TAMM41: variants seen among roughly 807,000 people sequenced by gnomAD.
TAMM41 encodes the protein TAM41 mitochondrial translocator assembly and maintenance homolog, also known as phosphatidate cytidylyltransferase, mitochondrial.
In TAMM41, 36 loss-of-function variants were observed where a neutral mutation model predicts 44.1. The ratio of observed to expected loss-of-function variants is 0.82; its 90% CI spans 0.63 to 1.08. The LOEUF (loss-of-function observed/expected upper bound fraction) is 1.08, where lower values mean the gene tolerates loss of function less well. Among genes scored for constraint, TAMM41 ranks in the 50% least tolerant of loss-of-function variants. The probability of loss-of-function intolerance (pLI) is 0.00; values close to 1 mark genes in which losing one functional copy is unlikely to be tolerated. For synonymous variants in TAMM41, 164 were observed against 153.1 expected (o/e 1.07, Z -0.53); for missense variants, 417 against 404.3 (o/e 1.03, Z -0.27).
chr3:11,743,335 CTTTT>C, the TAMM41 span, among the ~76,000 whole-genome samples: 2 of 141,006 alleles, frequency 1.4e-5, no homozygotes, highest in African/African-American at 2.6e-5. Flanking sequence ...CTAATAATCT[CTTTT>C]TTTTTTTTTT....
At chr3:11,837,208 T>C (rs116484698) in intron 3 of TAMM41, among the ~76,000 whole-genome samples, 346 of 152,276 alleles carry the variant, frequency 2.3e-3, no homozygotes, top group African/African-American at 8.0e-3. Flanking sequence ...TTCCCATAGA[T>C]AGCTACAGAA....
chr3:11,838,931 G>A (rs2079306061), intron 3 of TAMM41, among the ~76,000 whole-genome samples: 2 of 152,034 alleles, frequency 1.3e-5, no homozygotes, highest in South Asian at 4.1e-4. Flanking sequence ...ACGACTGAAA[G>A]GAACTTGTTA....
At chr3:11,783,938 T>A in the TAMM41 span, among the ~76,000 whole-genome samples, 1 of 152,244 alleles carries the variant, frequency 6.6e-6, no homozygotes, top group African/African-American at 2.4e-5. Context: ...TAAGGATGAA[T>A]GAGTTAATAC....
rs771809934 is a variant in TAMM41, at chr3:11,846,630, G to A, written c.7C>T (p.Leu3=). The A allele has an allele frequency of 6.2e-7, 1 of 1,614,238 alleles. No individual in the cohort carries two copies. Among genetic ancestry groups the A allele is most frequent in the Non-Finnish European group, 8.5e-7 (1 of 1,180,042 alleles). Residue 3 remains leucine, a synonymous_variant, in exon 1 of 8, where the codon CTG becomes TTG. Coordinates refer to ENST00000455809, the MANE Select transcript of TAMM41 (RefSeq NM_001284401.2). ...ACCCACGAGCTCTGCAGCGTCTGCAGCGCCATGGGGTCGAGGCTAACAGGG... is the reference window on the plus strand; with the variant it reads ...ACCCACGAGCTCTGCAGCGTCTGCAACGCCATGGGGTCGAGGCTAACAGGG... MA[L]QTLQSSWVTF...
In TAMM41 at chr3:11,792,705, A is replaced by T. The variant is rs181155850; in HGVS notation, c.938-2124T>A. 7.9e-5 allele frequency among the ~76,000 whole-genome samples: 12 copies of T among 152,386 alleles called. No individual in the cohort carries two copies. In the East Asian group the frequency reaches 2.1e-3, roughly 27 times the overall value. ...AACAGGACACAAAAAACTGCTAAAC[A>T]TATAGAAAACAAAATGGATAAACTG... On this transcript the variant is annotated intron_variant, in intron 7 of 7. Coordinates refer to ENST00000455809, the MANE Select transcript of TAMM41 (RefSeq NM_001284401.2).
chr3:11,811,905 G>A (rs1291717038), intron 5 of TAMM41, among the ~76,000 whole-genome samples: 1 of 152,076 alleles, frequency 6.6e-6, no homozygotes, highest in African/African-American at 2.4e-5. Context: ...GGTGTATGAG[G>A]TATTCATCAA....
At chr3:11,762,662 C>T in the TAMM41 span, among the ~76,000 whole-genome samples, 1 of 152,196 alleles carries the variant, frequency 6.6e-6, no homozygotes. Context: ...TAAGTGAACT[C>T]CTGACTCTCT....
the TAMM41 span, among the ~76,000 whole-genome samples, chr3:11,726,813 A>AAAG: frequency 1.1e-4 from 16 of 151,638 alleles, no homozygotes; most frequent in African/African-American, 3.9e-4. Context: ...AAAAAAAAAA[A>AAAG]AAAAAGAAAA....
intron 2 of TAMM41, 163 bp downstream of exon 2, chr3:11,843,866 T>C (rs1164591324): frequency 8.3e-6 from 6 of 724,706 alleles, no homozygotes; most frequent in Middle Eastern, 2.6e-4. Context: ...TTCCTGACTA[T>C]AAGAATATAC....
At chr3:11,777,147 G>T in the TAMM41 span, among the ~76,000 whole-genome samples, 1 of 152,166 alleles carries the variant, frequency 6.6e-6, no homozygotes, top group African/African-American at 2.4e-5. Flanking sequence ...GACAAAAATG[G>T]TAACTATGTG....
At chr3:11,819,828 T>C (rs539281903) in intron 4 of TAMM41, among the ~76,000 whole-genome samples, 1 of 152,184 alleles carries the variant, frequency 6.6e-6, no homozygotes, top group Non-Finnish European at 1.5e-5. Flanking sequence ...ATTTTTGCTC[T>C]AATAAAATAC....
chr3:11,769,979 C>T, the TAMM41 span, among the ~76,000 whole-genome samples: 3 of 152,322 alleles, frequency 2.0e-5, no homozygotes, highest in South Asian at 6.2e-4. Flanking sequence ...CTCACAGGCC[C>T]AGGCAAGGAG....
intron 4 of TAMM41, among the ~76,000 whole-genome samples, chr3:11,828,535 G>A (rs959399153): frequency 6.6e-5 from 10 of 152,146 alleles, no homozygotes; most frequent in African/African-American, 2.4e-4. Flanking sequence ...TTTTTCACAG[G>A]GGAGTATGGA....
chr3:11,793,256 A>T (rs945693766), intron 7 of TAMM41, among the ~76,000 whole-genome samples: 1 of 152,090 alleles, frequency 6.6e-6, no homozygotes, highest in Non-Finnish European at 1.5e-5. Context: ...CAAATAAACA[A>T]ATGAAAAATG....
intron 7 of TAMM41, among the ~76,000 whole-genome samples, chr3:11,806,346 C>A (rs1217408295): frequency 6.6e-6 from 1 of 152,180 alleles, no homozygotes; most frequent in Non-Finnish European, 1.5e-5. Context: ...TATTCTCCTA[C>A]TCTGCTTGTG....
At chr3:11,804,996 CTTTTTTTTTTTTTTT>C (rs1156555980) in intron 7 of TAMM41, among the ~76,000 whole-genome samples, 49 of 103,064 alleles carry the variant, frequency 4.8e-4, no homozygotes, top group African/African-American at 1.8e-3. Context: ...ACGCCCAGCC[CTTTTTTTTTTTTTTT>C]TTTTTTTTTT....
the TAMM41 span, among the ~76,000 whole-genome samples, chr3:11,781,773 A>AATAATC: frequency 4.8e-5 from 2 of 41,766 alleles, no homozygotes; most frequent in African/African-American, 9.0e-5. Context: ...TAATAATAAT[A>AATAATC]ATAATAATCA....
At chr3:11,776,019 T>A in the TAMM41 span, among the ~76,000 whole-genome samples, 1 of 139,024 alleles carries the variant, frequency 7.2e-6, no homozygotes, top group African/African-American at 3.1e-5. Context: ...TTAATTAATT[T>A]TTTTTTTTTT....
In TAMM41 at chr3:11,824,850, G is replaced by A. The variant is rs187129408; in HGVS notation, c.562+4864C>T. Reference sequence around the variant, plus strand: ...ACCAACAATAAGATACAGTGTAGCCGACTGTGGAAAGTGCTATGGGGAAAA... The same window carrying A: ...ACCAACAATAAGATACAGTGTAGCCAACTGTGGAAAGTGCTATGGGGAAAA... On this transcript the variant is annotated intron_variant, in intron 4 of 7. Coordinates refer to ENST00000455809, the MANE Select transcript of TAMM41 (RefSeq NM_001284401.2). Among the ~76,000 whole-genome samples, 183 of 152,224 alleles carry A rather than the reference G, an allele frequency of 1.2e-3. 1 individual carries two copies. The highest frequency in any genetic ancestry group is 4.2e-3 in the African/African-American group (176 of 41,534).
Sources: gnomAD v4.1 joint callset for allele counts (sites outside exome capture counted in the v4.1 genomes callset) on GRCh38, gnomAD v4.1.1 for gene constraint, MANE v1.5 for transcripts, NCBI Gene and HGNC (gene_info 2026-07-23, HGNC 2026-07-21) for gene names.